The following C3 variants were observed in gnomAD, a reference collection of about 807,000 sequenced individuals.
C3 encodes the protein C3 and PZP-like alpha-2-macroglobulin domain-containing protein 1.
C3 carries 97 observed loss-of-function variants against 207.9 expected under a neutral mutation model. That is an observed-to-expected ratio of 0.47 (90% CI 0.40 to 0.55). The LOEUF is 0.55. Ranked by LOEUF, C3 falls within the 20% of genes least tolerant of loss-of-function variation. The pLI, the probability that C3 is intolerant of heterozygous loss-of-function variation, is 0.00. For synonymous variants in C3, 848 were observed against 857.6 expected, an observed-to-expected ratio of 0.99 and a Z score of 0.20; for missense variants, 1,684 against 2,171.7, an observed-to-expected ratio of 0.78 and a Z score of 4.46.
In C3 at chr19:6,689,346, TCC is replaced by T. The variant is rs1336498780; in HGVS notation, c.3489+1281_3489+1282del. ...CTACCTACCTCCCTCCCTCCCTCCC[TCC>T]CTCCCTCCCTCCCTCTCTCTCTCTC... On this transcript the variant is annotated intron_variant, in intron 27 of 40. Coordinates refer to ENST00000245907, the MANE Select transcript of C3 (RefSeq NM_000064.4). Among the ~76,000 whole-genome samples the T allele has an allele frequency of 6.4e-4, 15 of 23,502 alleles. No individual in the cohort carries two copies. The East Asian group carries it at 7.2e-3, about 11-fold the overall frequency. 15.4% of individuals were successfully genotyped at this position (23,502 alleles called of 152,430 possible). A position where few individuals can be genotyped will look rare whatever the true frequency, so the allele number is the denominator to read the frequency against.
At chr19:6,720,315 G>C (rs1389679010) in intron 1 of C3, among the ~76,000 whole-genome samples, 3 of 151,824 alleles carry the variant, frequency 2.0e-5, no homozygotes, top group Non-Finnish European at 4.4e-5. Flanking sequence ...CCAATTCCAT[G>C]ATACCTGGAT....
intron 33 of C3, among the ~76,000 whole-genome samples, chr19:6,683,602 C>G (rs1402603648): frequency 6.6e-6 from 1 of 151,998 alleles, no homozygotes; most frequent in Non-Finnish European, 1.5e-5. Context: ...AGGCACCCGC[C>G]ACCATGCCCG....
chr19:6,700,524 T>C lies in C3; in HGVS notation c.2440+1603A>G, dbSNP rs1163148681. Among the ~76,000 whole-genome samples, 2 of 34,542 alleles carry C rather than the reference T, an allele frequency of 5.8e-5. 1 individual carries two copies. Among genetic ancestry groups the C allele is most frequent in the Admixed American group, 1.2e-3 (2 of 1,614 alleles). The allele number at this position is 34,542 out of a possible 152,430, so 22.7% of individuals were successfully genotyped here. Reference sequence around the variant, plus strand: ...TTATATATGTAATATATAATATATGTAATATGATATATTATATATGTAATA... The same window carrying C: ...TTATATATGTAATATATAATATATGCAATATGATATATTATATATGTAATA... On this transcript the variant is annotated intron_variant, in intron 19 of 40. Coordinates refer to ENST00000245907, the MANE Select transcript of C3 (RefSeq NM_000064.4).
chr19:6,707,277 C>T lies in C3; in HGVS notation c.2048-4G>A. 1.2e-6 allele frequency: 2 copies of T among 1,605,438 alleles called. No individual in the cohort carries two copies. Among genetic ancestry groups the T allele is most frequent in the Non-Finnish European group, 1.7e-6 (2 of 1,176,664 alleles). On this transcript the variant is annotated splice_region_variant and splice_polypyrimidine_tract_variant and intron_variant, in intron 16 of 40. Coordinates refer to ENST00000245907, the MANE Select transcript of C3 (RefSeq NM_000064.4). ...AGCTCCTTGGGGTACTTGCCGACTG[C>T]GGGAGCACGTGTTCCCCCAGGCCAC...
At position 6,693,441 on chromosome 19, in the gene C3, C is replaced by T. The variant is rs778687156; in HGVS notation, c.3201G>A (p.Ala1067=). Residue 1067 remains alanine, a synonymous_variant, in exon 25 of 41, where the codon GCG becomes GCA. Coordinates refer to ENST00000245907, the MANE Select transcript of C3 (RefSeq NM_000064.4). ...TGCTGGGTGCCCGTTTCACGAAGGCCGCAAAGGCAGAGCTGGGTTGTCTGA... is the reference window on the plus strand; with the variant it reads ...TGCTGGGTGCCCGTTTCACGAAGGCTGCAAAGGCAGAGCTGGGTTGTCTGA... ...LAFRQPSSAF[A]AFVKRAPSTW... is the part of the protein sequence containing the mutation. 5.6e-6 allele frequency: 9 copies of T among 1,612,202 alleles called. No homozygotes were observed. Among genetic ancestry groups the T allele is most frequent in the South Asian group, 3.3e-5 (3 of 90,704 alleles).
intron 4 of C3, chr19:6,717,434 G>A (rs960403090): frequency 8.7e-5 from 15 of 171,748 alleles, no homozygotes; most frequent in South Asian, 2.5e-4. Flanking sequence ...GTGTGTGTGC[G>A]CGCCATATGG....
In C3 at chr19:6,702,457, T is replaced by C. The variant is rs763379562; in HGVS notation, c.2354+14A>G. ...ACTCTGGGGTGGGTTGTACCGGGGG[T>C]ACCCCGGCCTTACCCATTTTTCGGT... On this transcript the variant is annotated intron_variant, in intron 18 of 40. Coordinates refer to ENST00000245907, the MANE Select transcript of C3 (RefSeq NM_000064.4). 9 of 1,551,970 alleles carry C rather than the reference T, an allele frequency of 5.8e-6. No individual in the cohort carries two copies. The highest frequency in any genetic ancestry group is 1.1e-5 in the South Asian group (1 of 89,848).
chr19:6,709,619 A>ACCCCCCCCCCCCC, intron 14 of C3, 65 bp downstream of exon 14: 6 of 432,318 alleles, frequency 1.4e-5, no homozygotes, highest in South Asian at 6.8e-5. Context: ...AGTCCCACCC[A>ACCCCCCCCCCCCC]CCTCCCCCAG....
intron 29 of C3, 108 bp downstream of exon 29, chr19:6,686,016 G>A (rs977350816): frequency 1.2e-5 from 13 of 1,108,980 alleles, no homozygotes; most frequent in South Asian, 3.7e-5. Flanking sequence ...ACACTGGCTC[G>A]TGGGAATGAA....
At chr19:6,705,802 G>A (rs1335755255) in intron 17 of C3, among the ~76,000 whole-genome samples, 1 of 152,138 alleles carries the variant, frequency 6.6e-6, no homozygotes, top group Non-Finnish European at 1.5e-5. Context: ...AGCCTCCTGA[G>A]TAGCTGGGAT....
chr19:6,709,611 T>TGGGCCCCCCCCCCCCCCCCCCCCCCC, intron 14 of C3, 73 bp downstream of exon 14: 1 of 1,109,450 alleles, frequency 9.0e-7, no homozygotes. Context: ...CCCTCTCCAG[T>TGGGCCCCCCCCCCCCCCCCCCCCCCC]CCCACCCACC....
intron 19 of C3, among the ~76,000 whole-genome samples, chr19:6,701,503 T>C (rs1874611219): frequency 1.3e-5 from 2 of 152,164 alleles, no homozygotes; most frequent in South Asian, 4.1e-4. Context: ...GTCTGTGTCG[T>C]CTTTCAGAGC....
Position 6,700,581 on chromosome 19 carries a change from ATG to A in C3, c.2440+1544_2440+1545del, listed in dbSNP as rs1320368171. 4.1e-5 allele frequency among the ~76,000 whole-genome samples: 2 copies of A among 48,932 alleles called. 1 individual carries two copies. Among genetic ancestry groups the A allele is most frequent in the African/African-American group, 2.6e-4 (2 of 7,790 alleles). 32.1% of individuals were successfully genotyped at this position (48,932 alleles called of 152,430 possible). A position where few individuals can be genotyped will look rare whatever the true frequency, so the allele number is the denominator to read the frequency against. On this transcript the variant is annotated intron_variant, in intron 19 of 40. Transcript: ENST00000245907. ...ATATGTAATATATGATATATTATAT[ATG>A]TAATATATAATATATGATATATTAT...
chr19:6,694,752 G>T (rs1967496173), intron 23 of C3, 118 bp from the exon 24 acceptor site: 14 of 862,346 alleles, frequency 1.6e-5, no homozygotes, highest in Admixed American at 2.3e-5. Context: ...GACAGGCGAG[G>T]ACTGGGGAGG....
chr19:6,698,661 A>ATTTTTTATTTATTTATT (rs1967590649), intron 19 of C3, among the ~76,000 whole-genome samples: 1 of 152,044 alleles, frequency 6.6e-6, no homozygotes, highest in Non-Finnish European at 1.5e-5. Flanking sequence ...GTGAGCTATG[A>ATTTTTTATTTATTTATT]TCGCACCACT....
intron 13 of C3, among the ~76,000 whole-genome samples, chr19:6,710,190 G>A (rs1211140067): frequency 8.7e-6 from 1 of 115,478 alleles, no homozygotes; most frequent in African/African-American, 3.2e-5. Context: ...GGGAGAGAGA[G>A]AGGGAAAGAG....
rs747846455 is a variant in C3, at chr19:6,707,048, C to A, written c.2245+28G>T. 9 of 1,581,742 alleles carry A rather than the reference C, an allele frequency of 5.7e-6. No individual in the cohort carries two copies. The Admixed American group carries it at 1.5e-4, about 27-fold the overall frequency. On this transcript the variant is annotated intron_variant, in intron 17 of 40. Transcript: ENST00000245907. ...CTCCTCCCCCATCAGACGGCCCCCT[C>A]CCCCTGTCCCCACCCCGTGGGACCT...
chr19:6,682,617 T>C (rs1917893665), intron 33 of C3: 2 of 295,118 alleles, frequency 6.8e-6, no homozygotes, highest in East Asian at 8.3e-5. Context: ...CTTGGTATAT[T>C]GATCACGAGT....
chr19:6,693,359 T>C, intron 25 of C3, 53 bp downstream of exon 25: 1 of 1,536,340 alleles, frequency 6.5e-7, no homozygotes, highest in East Asian at 2.3e-5. Context: ...CGGGCCCTGC[T>C]GGGGGTTGAG....
Sources: allele counts gnomAD v4.1 joint callset (sites outside exome capture counted in the v4.1 genomes callset), GRCh38; gene constraint gnomAD v4.1.1; transcripts MANE v1.5; gene names NCBI Gene and HGNC (gene_info 2026-07-23, HGNC 2026-07-21).